CCDC171: variants seen among roughly 807,000 people sequenced by gnomAD.
CCDC171 encodes the protein coiled-coil domain-containing protein 171.
CCDC171 carries 177 observed loss-of-function variants against 168.2 expected under a neutral mutation model. The ratio of observed to expected loss-of-function variants is 1.05; its 90% CI spans 0.93 to 1.19. The LOEUF (loss-of-function observed/expected upper bound fraction) is 1.19, where lower values mean the gene tolerates loss of function less well. CCDC171 is among the 50% of genes most tolerant of loss of function. The pLI is 0.00. For missense variants in CCDC171, 1,991 were observed against 1,539.0 expected (o/e 1.29, Z -4.91); for synonymous variants, 687 against 540.8 (o/e 1.27, Z -3.75).
At chr9:15,943,641 A>T (rs1361274574) in intron 25 of CCDC171, among the ~76,000 whole-genome samples, 1 of 151,972 alleles carries the variant, frequency 6.6e-6, no homozygotes, top group Non-Finnish European at 1.5e-5. Context: ...ACGAAGGTTT[A>T]TTGAATCAAT....
chr9:15,596,609 G>T (rs1168807798), intron 6 of CCDC171, among the ~76,000 whole-genome samples: 2 of 151,890 alleles, frequency 1.3e-5, no homozygotes, highest in East Asian at 3.9e-4. Flanking sequence ...TTTGGCTTAG[G>T]ATTGACTTGG....
chr9:16,044,624 G>C (rs1833627716), intron 1 of CCDC171, among the ~76,000 whole-genome samples: 1 of 151,742 alleles, frequency 6.6e-6, no homozygotes, highest in African/African-American at 2.4e-5. Context: ...TAATCCCCTG[G>C]CCGTGACACA....
chr9:16,048,498 A>G (rs747656735), intron 1 of CCDC171, among the ~76,000 whole-genome samples: 9 of 152,134 alleles, frequency 5.9e-5, no homozygotes, highest in Non-Finnish European at 7.4e-5. Flanking sequence ...TAACAGTGAC[A>G]ACCCCCCTCA....
chr9:15,899,947 AT>A (rs1821402557), intron 24 of CCDC171, among the ~76,000 whole-genome samples: 1 of 151,812 alleles, frequency 6.6e-6, no homozygotes, highest in South Asian at 2.1e-4. Context: ...GATCCCAAAG[AT>A]TTTTTCATAT....
chr9:15,998,258 C>T (rs193010372), intron 3 of CCDC171, among the ~76,000 whole-genome samples: 26 of 152,278 alleles, frequency 1.7e-4, no homozygotes, highest in Admixed American at 5.9e-4. Flanking sequence ...TCCTGGAGTA[C>T]GGTGCCTCAT....
At chr9:15,592,338 T>G (rs2042062114) in intron 5 of CCDC171, among the ~76,000 whole-genome samples, 1 of 147,490 alleles carries the variant, frequency 6.8e-6, no homozygotes, top group Admixed American at 6.9e-5. Flanking sequence ...AGACCCTGTC[T>G]CCCCCCAAAA....
At chr9:16,032,668 AGT>A in intron 6 of CCDC171, among the ~76,000 whole-genome samples, 1 of 152,162 alleles carries the variant, frequency 6.6e-6, no homozygotes, top group East Asian at 1.9e-4. Flanking sequence ...CCCAGGCTGG[AGT>A]ACAGTGGCAC....
At chr9:15,874,989 G>T (rs1817655727) in intron 24 of CCDC171, 1 of 166,084 alleles carries the variant, frequency 6.0e-6, no homozygotes, top group Non-Finnish European at 1.3e-5. Flanking sequence ...CTTTAAGCAA[G>T]TCTCAATTTG....
intron 10 of CCDC171, among the ~76,000 whole-genome samples, chr9:15,691,367 TATAG>T (rs942019835): frequency 4.6e-5 from 7 of 151,324 alleles, no homozygotes; most frequent in African/African-American, 9.7e-5. Context: ...ATTAAAAAAT[TATAG>T]ATAGATATTT....
intron 3 of CCDC171, among the ~76,000 whole-genome samples, chr9:15,573,850 C>T (rs530502186): frequency 1.3e-5 from 2 of 151,858 alleles, no homozygotes; most frequent in African/African-American, 4.8e-5. Context: ...TGCTTGTGCC[C>T]GGGAGTTCGA....
rs917306351 is a variant in CCDC171, at chr9:15,815,548, G to A, written c.3267+30854G>A. Among the ~76,000 whole-genome samples the A allele has an allele frequency of 3.6e-5, 4 of 112,150 alleles. 1 individual carries two copies. Among genetic ancestry groups the A allele is most frequent in the African/African-American group, 1.0e-4 (3 of 29,758 alleles). The allele number at this position is 112,150 out of a possible 152,430, so 73.6% of individuals were successfully genotyped here. ...CTTCTTATTTTAAATGTGTCCCAAC[G>A]TTTATATTATTAATAAAATTGTTTG... is the stretch of plus-strand genomic sequence containing the variant. On this transcript the variant is annotated intron_variant, in intron 21 of 25. Coordinates refer to ENST00000380701, the MANE Select transcript of CCDC171 (RefSeq NM_173550.4).
chr9:15,853,369 A>G (rs904935916), intron 23 of CCDC171, among the ~76,000 whole-genome samples: 2 of 151,562 alleles, frequency 1.3e-5, no homozygotes, highest in Non-Finnish European at 3.0e-5. Flanking sequence ...TCTTAAGTCT[A>G]ATTTTTTATT....
intron 7 of CCDC171, among the ~76,000 whole-genome samples, chr9:15,640,236 C>T (rs1221982637): frequency 6.6e-6 from 1 of 152,052 alleles, no homozygotes; most frequent in African/African-American, 2.4e-5. Flanking sequence ...GATAGGACTT[C>T]CTGACCAATT....
At chr9:15,908,613 C>G (rs977459272) in intron 24 of CCDC171, among the ~76,000 whole-genome samples, 2 of 152,108 alleles carry the variant, frequency 1.3e-5, no homozygotes, top group Non-Finnish European at 2.9e-5. Context: ...TATGAACTAA[C>G]CTGCACGTTG....
intron 4 of CCDC171, among the ~76,000 whole-genome samples, chr9:15,585,291 G>T (rs998621958): frequency 6.6e-6 from 1 of 152,094 alleles, no homozygotes; most frequent in African/African-American, 2.4e-5. Flanking sequence ...ACTTGTAAAA[G>T]AATTTCCTAG....
At chr9:15,609,195 G>A (rs1234283265) in intron 6 of CCDC171, among the ~76,000 whole-genome samples, 2 of 151,804 alleles carry the variant, frequency 1.3e-5, no homozygotes, top group Non-Finnish European at 2.9e-5. Context: ...CGCCTCCCGG[G>A]TTCAAGCGAT....
intron 18 of CCDC171, among the ~76,000 whole-genome samples, chr9:15,771,587 T>C (rs1327497434): frequency 6.6e-6 from 1 of 152,158 alleles, no homozygotes; most frequent in African/African-American, 2.4e-5. Context: ...ATAGTGCAAA[T>C]AATTTTGCAG....
rs145753345 is a variant in CCDC171 at position 15,962,803 on chromosome 9, T to A, written c.3754-8806T>A. Among the ~76,000 whole-genome samples, 416 of 151,952 alleles carry A rather than the reference T, an allele frequency of 2.7e-3. 2 individuals are homozygous for A. Among genetic ancestry groups the A allele is most frequent in the African/African-American group, 9.4e-3 (390 of 41,530 alleles). On this transcript the variant is annotated intron_variant, in intron 25 of 25. Transcript: ENST00000380701. Reference sequence around the variant, plus strand: ...TTTTTTCCAAAGATTATTAAGTTTCTTTTGATTTCTTGTGATTCTTTTTTC... The same window carrying A: ...TTTTTTCCAAAGATTATTAAGTTTCATTTGATTTCTTGTGATTCTTTTTTC...
intron 3 of CCDC171, among the ~76,000 whole-genome samples, chr9:15,998,020 T>C (rs538431457): frequency 5.9e-5 from 9 of 152,236 alleles, no homozygotes; most frequent in Middle Eastern, 3.4e-3. Flanking sequence ...TGTACTTCCA[T>C]AGGATCCTTA....
Sources: gnomAD v4.1 joint callset for allele counts (sites outside exome capture counted in the v4.1 genomes callset) on GRCh38, gnomAD v4.1.1 for gene constraint, MANE v1.5 for transcripts, NCBI Gene and HGNC (gene_info 2026-07-23, HGNC 2026-07-21) for gene names.